The following CDH4 variants were observed in gnomAD, a reference collection of about 807,000 sequenced individuals.
CDH4 encodes the protein cadherin 4, also known as cadherin-4.
CDH4 carries 33 observed loss-of-function variants against 86.0 expected under a neutral mutation model. The ratio of observed to expected loss-of-function variants is 0.38; its 90% confidence interval spans 0.29 to 0.51. The LOEUF (loss-of-function observed/expected upper bound fraction) is 0.51, where lower values mean the gene tolerates loss of function less well. CDH4 is among the 20% of genes least tolerant of loss of function. The pLI, the probability that CDH4 is intolerant of heterozygous loss-of-function variation, is 0.86. For synonymous variants in CDH4, 555 were observed against 549.4 expected (o/e 1.01, Z -0.14); for missense variants, 1,114 against 1,307.4 (o/e 0.85, Z 2.28).
At chr20:61,733,440 C>G (rs1324378579) in intron 2 of CDH4, among the ~76,000 whole-genome samples, 5 of 152,136 alleles carry the variant, frequency 3.3e-5, no homozygotes, top group Admixed American at 3.3e-4. Flanking sequence ...TGGGTCTGCT[C>G]CCCCGGTCAC....
At chr20:61,664,113 A>G (rs1320215063) in intron 2 of CDH4, among the ~76,000 whole-genome samples, 1 of 152,004 alleles carries the variant, frequency 6.6e-6, no homozygotes, top group Admixed American at 6.6e-5. Context: ...ATTTCCACTG[A>G]CCCTGCACCG....
intron 2 of CDH4, among the ~76,000 whole-genome samples, chr20:61,345,793 G>A (rs755995502): frequency 1.3e-5 from 2 of 152,190 alleles, no homozygotes; most frequent in Non-Finnish European, 2.9e-5. Context: ...GTGCTTCCAG[G>A]TTACAAACTA....
chr20:61,635,078 A>G (rs2086933011), intron 2 of CDH4, among the ~76,000 whole-genome samples: 1 of 152,152 alleles, frequency 6.6e-6, no homozygotes, highest in Non-Finnish European at 1.5e-5. Context: ...CATTTTGGTG[A>G]TGTGAACGGT....
chr20:61,829,049 A>C lies in CDH4; in HGVS notation c.577-15619A>C, dbSNP rs999092760. ...GACATCATGGGAGGCGGAGCACTGG[A>C]GGCTCTGGCAGTCATGCTCGCCCGG... is the stretch of plus-strand genomic sequence containing the variant. On this transcript the variant is annotated intron_variant, in intron 4 of 15. Transcript: ENST00000614565. This position sits in a 1 kb window ranked among gnomAD's most constrained non-coding sequence, Gnocchi z 4.2. Among the ~76,000 whole-genome samples, 8 of 152,280 alleles carry C rather than the reference A, an allele frequency of 5.3e-5. No individual in the cohort carries two copies. The highest frequency in any genetic ancestry group is 1.7e-4 in the African/African-American group (7 of 41,546).
At chr20:61,850,596 A>G (rs777940310) in intron 5 of CDH4, among the ~76,000 whole-genome samples, 20 of 152,252 alleles carry the variant, frequency 1.3e-4, no homozygotes, top group Non-Finnish European at 2.4e-4. Context: ...ACGCCCATGT[A>G]TTAATATTTC....
At chr20:61,343,000 A>G (rs995862297) in intron 2 of CDH4, among the ~76,000 whole-genome samples, 1 of 152,208 alleles carries the variant, frequency 6.6e-6, no homozygotes, top group African/African-American at 2.4e-5. Flanking sequence ...TCGCCCACCT[A>G]CGGCCCAATG....
chr20:61,773,269 C>A, intron 4 of CDH4, 87 bp downstream of exon 4: 1 of 1,313,098 alleles, frequency 7.6e-7, no homozygotes, highest in Non-Finnish European at 1.0e-6. Context: ...GGGGCGGGTT[C>A]CGCGTTTGGT....
At chr20:61,545,376 A>G (rs2086070249) in intron 2 of CDH4, among the ~76,000 whole-genome samples, 1 of 152,240 alleles carries the variant, frequency 6.6e-6, no homozygotes, top group South Asian at 2.1e-4. Context: ...AACTTTGGCC[A>G]GCCTGTCGGA....
At chr20:61,824,339 T>A (rs1300694030) in intron 4 of CDH4, among the ~76,000 whole-genome samples, 7 of 150,928 alleles carry the variant, frequency 4.6e-5, no homozygotes, top group African/African-American at 1.7e-4. Flanking sequence ...CTCTTGACTC[T>A]TAAAAAGATG....
chr20:61,875,402 G>GA (rs148062609), intron 7 of CDH4, among the ~76,000 whole-genome samples: 4,335 of 152,220 alleles, frequency 0.028, 223 homozygotes, highest in African/African-American at 0.096. Flanking sequence ...TTCAGCACGG[G>GA]CTCAGGACTC....
At chr20:61,756,625 C>T (rs2088568517) in intron 3 of CDH4, among the ~76,000 whole-genome samples, 1 of 142,590 alleles carries the variant, frequency 7.0e-6, no homozygotes, top group Non-Finnish European at 1.5e-5. Context: ...GGATATGAAT[C>T]ACTTCTTGCC....
intron 2 of CDH4, among the ~76,000 whole-genome samples, chr20:61,511,342 C>A (rs1483058824): frequency 6.6e-6 from 1 of 152,200 alleles, no homozygotes; most frequent in Non-Finnish European, 1.5e-5. Context: ...TCCCCTCCTG[C>A]CCCTCTAACT....
chr20:61,718,809 C>G lies in CDH4; in HGVS notation c.170-24754C>G, dbSNP rs745910053. ...CTCACCAGCTGCGGAGGAGGCTGCA[C>G]CCACCATCCCGGGCTCCCAGCGACA... On this transcript the variant is annotated intron_variant, in intron 2 of 15. Coordinates refer to ENST00000614565, the MANE Select transcript of CDH4 (RefSeq NM_001794.5). The G allele has an allele frequency of 1.5e-4, 73 of 471,222 alleles. 2 individuals carry two copies. The highest frequency in any genetic ancestry group is 1.1e-3 in the South Asian group (70 of 64,520). The allele number at this position is 471,222 out of a possible 1,614,324, so 29.2% of individuals were successfully genotyped here.
In CDH4 at chr20:61,735,466, G is replaced by A. The variant is rs531334926; in HGVS notation, c.170-8097G>A. Among the ~76,000 whole-genome samples the A allele has an allele frequency of 3.3e-5, 5 of 152,266 alleles. No individual in the cohort carries two copies. The South Asian group carries it at 6.3e-4, about 19-fold the overall frequency. Reference sequence around the variant, plus strand: ...GTGGGCAGAACCTGTGGCAGGTACAGGAAGGTGCCTGCAGGGACCACAGCC... The same window carrying A: ...GTGGGCAGAACCTGTGGCAGGTACAAGAAGGTGCCTGCAGGGACCACAGCC... On this transcript the variant is annotated intron_variant, in intron 2 of 15. Transcript: ENST00000614565.
intron 2 of CDH4, among the ~76,000 whole-genome samples, chr20:61,411,120 TTCCATCCATCCA>T (rs11473075): frequency 2.1e-4 from 31 of 146,800 alleles, no homozygotes; most frequent in East Asian, 6.1e-4. Flanking sequence ...CCGTCTTTCC[TTCCATCCATCCA>T]TCCATCCATC....
At chr20:61,414,596 T>C (rs1206032806) in intron 2 of CDH4, among the ~76,000 whole-genome samples, 1 of 152,214 alleles carries the variant, frequency 6.6e-6, no homozygotes, top group East Asian at 1.9e-4. Flanking sequence ...ATGCTCACTA[T>C]TGTTGCAAGC....
chr20:61,460,126 G>A (rs1018311786), intron 2 of CDH4, among the ~76,000 whole-genome samples: 1 of 152,170 alleles, frequency 6.6e-6, no homozygotes, highest in South Asian at 2.1e-4. Flanking sequence ...AAATGAATGT[G>A]CAAGGTGTAA....
rs1180739765 is a variant in CDH4 at position 61,252,812 on chromosome 20, G to A, written c.57+242G>A. On this transcript the variant is annotated intron_variant, in intron 1 of 15. Coordinates refer to ENST00000614565, the MANE Select transcript of CDH4 (RefSeq NM_001794.5). This position sits in a 1 kb window ranked among gnomAD's most constrained non-coding sequence, Gnocchi z 4.4. ...GGGAGTGGGGCTCGGTGGAGGACCC[G>A]GGGAGCTCCGCCTGCACCGGACCCG... Among the ~76,000 whole-genome samples, 1 of 151,628 alleles carries A rather than the reference G, an allele frequency of 6.6e-6. No homozygotes were observed. Among genetic ancestry groups the A allele is most frequent in the Non-Finnish European group, 1.5e-5 (1 of 67,790 alleles).
At chr20:61,318,290 G>A (rs2084488597) in intron 2 of CDH4, among the ~76,000 whole-genome samples, 1 of 152,238 alleles carries the variant, frequency 6.6e-6, no homozygotes, top group African/African-American at 2.4e-5. Context: ...CGGCTTTGCA[G>A]AAGACACCAG....
Sources: gnomAD v4.1 joint callset for allele counts (sites outside exome capture counted in the v4.1 genomes callset) on GRCh38, gnomAD v4.1.1 for gene constraint, Gnocchi (gnomAD v3.1) non-coding constraint, MANE v1.5 for transcripts, NCBI Gene and HGNC (gene_info 2026-07-23, HGNC 2026-07-21) for gene names.